ANKRD30B: variants seen among roughly 807,000 people sequenced by gnomAD.
ANKRD30B encodes the protein ankyrin repeat domain-containing protein 30B.
A neutral mutation model predicts 202.2 loss-of-function variants in ANKRD30B; 144 were observed. The observed-to-expected ratio is 0.71, with a 90% CI of 0.62 to 0.82. The LOEUF is 0.82. ANKRD30B is among the 40% of genes least tolerant of loss of function. ANKRD30B has a pLI of 0.00. For synonymous variants in ANKRD30B, 508 were observed against 561.3 expected (o/e 0.91, Z 1.34); for missense variants, 1,487 against 1,669.1 (o/e 0.89, Z 1.90).
chr18:14,755,067 C>G, intron 4 of ANKRD30B, 62 bp downstream of exon 4: 1 of 894,528 alleles, frequency 1.1e-6, no homozygotes, highest in South Asian at 3.0e-5. Context: ...TAATAATGCT[C>G]AAGTCAGAAA....
intron 8 of ANKRD30B, among the ~76,000 whole-genome samples, chr18:14,770,699 T>C (rs2143792743): frequency 6.6e-6 from 1 of 152,130 alleles, no homozygotes; most frequent in South Asian, 2.1e-4. Context: ...ACAGAAGACA[T>C]TGGGAGTTAT....
intron 39 of ANKRD30B, among the ~76,000 whole-genome samples, chr18:14,847,540 C>T (rs1315782159): frequency 9.3e-6 from 1 of 107,532 alleles, no homozygotes; most frequent in Non-Finnish European, 1.9e-5. Flanking sequence ...AATCTATGCT[C>T]ATATCTACTC....
At chr18:14,872,789 A>G in the ANKRD30B span, among the ~76,000 whole-genome samples, 1 of 152,296 alleles carries the variant, frequency 6.6e-6, no homozygotes, top group South Asian at 2.1e-4. Context: ...GAGACTGTGC[A>G]GGAGTCGATA....
chr18:14,810,533 T>C (rs912238393), intron 28 of ANKRD30B, among the ~76,000 whole-genome samples: 4 of 151,240 alleles, frequency 2.6e-5, no homozygotes, highest in African/African-American at 9.8e-5. Context: ...ATCTTTACTT[T>C]GAGGAAAGTT....
At position 14,796,235 on chromosome 18, in the gene ANKRD30B, G is replaced by C; in HGVS notation, c.1840G>C (p.Asp614His). The C allele has an allele frequency of 1.2e-6, 2 of 1,602,082 alleles. No homozygotes were observed. The highest frequency in any genetic ancestry group is 1.7e-6 in the Non-Finnish European group (2 of 1,169,574). Reference sequence around the variant, plus strand: ...TTTACGTTTAGAGTCTCCTGTTAAAGATGGTCTTCTGAAGGTAATAACTTT... The same window carrying C: ...TTTACGTTTAGAGTCTCCTGTTAAACATGGTCTTCTGAAGGTAATAACTTT... Reference protein sequence around the residue: ...SGKLEESPVKDGLLKPTCGRK... With the variant: ...SGKLEESPVKHGLLKPTCGRK... The change falls in exon 17 of 44, where the codon GAT becomes CAT. Residue 614 changes from aspartate (D) to histidine (H), a missense_variant. This residue lies in a region of ANKRD30B where 889 missense variants were observed against 841.4 expected (regional missense o/e 1.06). Coordinates refer to ENST00000690538, the MANE Select transcript of ANKRD30B (RefSeq NM_001367607.2).
Position 14,770,136 on chromosome 18 carries a change from C to T in ANKRD30B, c.1256+763C>T, listed in dbSNP as rs150208117. ...AGAGTCTTTTTTTCTTCTTCCATGA[C>T]TTTTCTATAATCCTTTCCTGATTAC... On this transcript the variant is annotated intron_variant, in intron 8 of 43. Transcript: ENST00000690538. Among the ~76,000 whole-genome samples the T allele has an allele frequency of 4.6e-5, 7 of 151,972 alleles. No individual in the cohort carries two copies. In the South Asian group the frequency reaches 6.2e-4, roughly 14 times the overall value.
chr18:14,794,621 C>A (rs535162889), intron 16 of ANKRD30B, among the ~76,000 whole-genome samples: 2 of 152,140 alleles, frequency 1.3e-5, no homozygotes, highest in Non-Finnish European at 2.9e-5. Flanking sequence ...GAATCGAGGA[C>A]GATCTTCTCA....
At chr18:14,756,180 C>T (rs907387935) in intron 4 of ANKRD30B, among the ~76,000 whole-genome samples, 2 of 152,092 alleles carry the variant, frequency 1.3e-5, no homozygotes, top group Non-Finnish European at 2.9e-5. Flanking sequence ...TTTCATGTGT[C>T]TTTTGGCTGC....
chr18:14,752,362 G>C (rs1187310741), intron 1 of ANKRD30B, among the ~76,000 whole-genome samples: 1 of 152,138 alleles, frequency 6.6e-6, no homozygotes, highest in Non-Finnish European at 1.5e-5. Context: ...CAAAGGCCAA[G>C]CTCTTTGTAT....
downstream of ANKRD30B, among the ~76,000 whole-genome samples, chr18:14,854,891 TG>T (rs1972035188): frequency 6.9e-6 from 1 of 145,422 alleles, no homozygotes; most frequent in African/African-American, 2.5e-5. Context: ...GCTCTACCCT[TG>T]GGGTGATGCA....
chr18:14,850,283 A>G lies in ANKRD30B; in HGVS notation c.3465A>G (p.Glu1155=), dbSNP rs778426257. The part of the protein sequence containing the change: ...VDILKEKIRP[E]EQLRKKLEVK... ...TATTAAAAGAAAAAATTAGACCCGA[A>G]GAGCAACTTAGGAAAAAGTTAGAAG... Residue 1155 remains glutamate (E), a synonymous_variant, in exon 41 of 44, where the codon GAA becomes GAG. Transcript: ENST00000690538. 2 of 1,592,730 alleles carry G rather than the reference A, an allele frequency of 1.3e-6. No homozygotes were observed. The highest frequency in any genetic ancestry group is 1.7e-6 in the Non-Finnish European group (2 of 1,170,852).
At chr18:14,935,259 AG>A in the ANKRD30B span, among the ~76,000 whole-genome samples, 2 of 152,182 alleles carry the variant, frequency 1.3e-5, no homozygotes, top group Non-Finnish European at 2.9e-5. Flanking sequence ...CTGTGCTGCT[AG>A]GACACTTTCC....
At chr18:14,775,936 C>A (rs1327422039) in intron 9 of ANKRD30B, among the ~76,000 whole-genome samples, 4 of 152,204 alleles carry the variant, frequency 2.6e-5, no homozygotes, top group African/African-American at 9.6e-5. Flanking sequence ...CTCTTAGTTG[C>A]ATGTGATGAA....
the ANKRD30B span, among the ~76,000 whole-genome samples, chr18:14,873,846 C>A: frequency 1.3e-5 from 2 of 152,102 alleles, no homozygotes; most frequent in Non-Finnish European, 2.9e-5. Flanking sequence ...TAGAGCCGAG[C>A]GAGGAATGGG....
At chr18:14,840,494 A>G (rs528472398) in intron 36 of ANKRD30B, 94 bp from the exon 37 acceptor site, 8 of 504,602 alleles carry the variant, frequency 1.6e-5, no homozygotes, top group African/African-American at 1.0e-4. Context: ...AGCCAAGATC[A>G]TGCCACTGGG....
intron 20 of ANKRD30B, 95 bp from the exon 21 acceptor site, chr18:14,799,006 C>T (rs1969125254): frequency 1.6e-6 from 2 of 1,236,654 alleles, no homozygotes. Context: ...ATCCAAGCAT[C>T]ATGAGGATTC....
the ANKRD30B span, among the ~76,000 whole-genome samples, chr18:14,885,967 T>A: frequency 6.6e-6 from 1 of 152,048 alleles, no homozygotes; most frequent in Admixed American, 6.6e-5. Context: ...ACTCTGTTTA[T>A]ATGTATATTT....
At chr18:14,909,819 T>G in the ANKRD30B span, 1 of 152,204 alleles carries the variant, frequency 6.6e-6, no homozygotes, top group East Asian at 1.9e-4. Flanking sequence ...AGGATTTGTA[T>G]TTCAGGGTTG....
chr18:14,940,486 G>A, the ANKRD30B span, among the ~76,000 whole-genome samples: 10 of 152,328 alleles, frequency 6.6e-5, no homozygotes, highest in South Asian at 2.1e-4. Flanking sequence ...GAACAGCAGC[G>A]TGGAATGGAA....
Sources: allele counts gnomAD v4.1 joint callset (sites outside exome capture counted in the v4.1 genomes callset), GRCh38; gene constraint gnomAD v4.1.1; regional missense constraint gnomAD v4.1.1; transcripts MANE v1.5; gene names NCBI Gene and HGNC (gene_info 2026-07-23, HGNC 2026-07-21).